GOLGA5: variants seen among roughly 807,000 people sequenced by gnomAD.
GOLGA5 encodes golgin A5, also known as golgin subfamily A member 5.
In GOLGA5, 50 loss-of-function variants were observed where a neutral mutation model predicts 93.5. The observed-to-expected ratio is 0.53, with a 90% CI of 0.43 to 0.68. The LOEUF is 0.68. Ranked by LOEUF, GOLGA5 falls within the 30% of genes least tolerant of loss-of-function variation. GOLGA5 has a pLI of 0.00. For missense variants in GOLGA5, 760 were observed against 856.4 expected (o/e 0.89, Z 1.40); for synonymous variants, 312 against 304.5 (o/e 1.02, Z -0.26).
intron 2 of GOLGA5, among the ~76,000 whole-genome samples, chr14:92,800,429 T>C (rs1042129800): frequency 6.6e-6 from 1 of 152,176 alleles, no homozygotes; most frequent in East Asian, 1.9e-4. Flanking sequence ...GTAGAAAACA[T>C]TGTAACAAAG....
intron 2 of GOLGA5, among the ~76,000 whole-genome samples, chr14:92,798,550 G>A (rs555647298): frequency 6.6e-6 from 1 of 152,336 alleles, no homozygotes; most frequent in East Asian, 1.9e-4. Flanking sequence ...ACCTCTACAA[G>A]TACACCTTCT....
chr14:92,835,097 T>C (rs889930254), intron 10 of GOLGA5, among the ~76,000 whole-genome samples: 27 of 152,152 alleles, frequency 1.8e-4, no homozygotes, highest in African/African-American at 6.3e-4. Context: ...ACAAGAACTC[T>C]GAATTGTAGT....
At position 92,797,500 on chromosome 14, in the gene GOLGA5, G is replaced by A. The variant is rs144267601; in HGVS notation, c.63G>A (p.Gly21=). 96 of 1,613,464 alleles carry A rather than the reference G, an allele frequency of 5.9e-5. No individual in the cohort carries two copies. The African/African-American group carries it at 9.7e-4, about 16-fold the overall frequency. ...AEDLLNRVDQ[G]AATALSRKDN... ...ATCTTTTAAACCGAGTTGATCAAGGGGCTGCAACAGCTCTCAGTAGGAAAG... is the reference window on the plus strand; with the variant it reads ...ATCTTTTAAACCGAGTTGATCAAGGAGCTGCAACAGCTCTCAGTAGGAAAG... Residue 21 remains glycine (G), a synonymous_variant, in exon 2 of 13, where the codon GGG becomes GGA. Transcript: ENST00000163416.
chr14:92,795,000 G>T (rs1884691941), intron 1 of GOLGA5, among the ~76,000 whole-genome samples: 1 of 152,254 alleles, frequency 6.6e-6, no homozygotes, highest in Non-Finnish European at 1.5e-5. Flanking sequence ...TTAGGTAATC[G>T]ACATTAATTG....
At chr14:92,810,912 T>G (rs1334695409) in intron 5 of GOLGA5, among the ~76,000 whole-genome samples, 1 of 152,238 alleles carries the variant, frequency 6.6e-6, no homozygotes, top group Non-Finnish European at 1.5e-5. Context: ...GACACTTTGG[T>G]TTTAGAAGGT....
Position 92,811,558 on chromosome 14 carries a change from T to C in GOLGA5, c.1124T>C (p.Phe375Ser). 6.2e-7 allele frequency: 1 copy of C among 1,607,942 alleles called. No homozygotes were observed. Among genetic ancestry groups the C allele is most frequent in the Non-Finnish European group, 8.5e-7 (1 of 1,174,446 alleles). Residue 375 changes from phenylalanine (F) to serine (S), a missense_variant, in exon 6 of 13, where the codon TTT becomes TCT. Transcript: ENST00000163416. Reference sequence around the variant, plus strand: ...TATAAAAATTTGTCACAGAGCGAGTTTGCTGCACGCCTTAATAAAGTGGAA... The same window carrying C: ...TATAAAAATTTGTCACAGAGCGAGTCTGCTGCACGCCTTAATAAAGTGGAA... ...QESYKQMQSE[F>S]AARLNKVEME...
At chr14:92,795,063 T>C (rs1046113963) in intron 1 of GOLGA5, among the ~76,000 whole-genome samples, 1 of 145,552 alleles carries the variant, frequency 6.9e-6, no homozygotes, top group African/African-American at 2.6e-5. Flanking sequence ...AATTTTGAAA[T>C]GGGAGGCAAG....
chr14:92,806,305 T>G (rs542402396), intron 2 of GOLGA5, among the ~76,000 whole-genome samples: 2 of 152,194 alleles, frequency 1.3e-5, no homozygotes, highest in African/African-American at 4.8e-5. Context: ...TATTGAAAAT[T>G]TGTTTATTTA....
At chr14:92,801,143 C>G (rs569521743) in intron 2 of GOLGA5, among the ~76,000 whole-genome samples, 1 of 152,298 alleles carries the variant, frequency 6.6e-6, no homozygotes, top group East Asian at 1.9e-4. Context: ...CAGTTGAGAA[C>G]CAATGTCCTG....
chr14:92,835,545 T>C lies in GOLGA5; in HGVS notation c.1946-14T>C. The C allele has an allele frequency of 6.5e-7, 1 of 1,538,740 alleles. No homozygotes were observed. The highest frequency in any genetic ancestry group is 1.1e-5 in the South Asian group (1 of 89,408). On this transcript the variant is annotated splice_polypyrimidine_tract_variant and intron_variant, in intron 10 of 12. Coordinates refer to ENST00000163416, the MANE Select transcript of GOLGA5 (RefSeq NM_005113.4). ...TTTATGTCAGTACACTAATTTATTT[T>C]CTTATTTAAACAGGCACTCGTCTGC...
rs567771909 is a variant in GOLGA5, at chr14:92,808,908, C to A, written c.773-392C>A. On this transcript the variant is annotated intron_variant, in intron 3 of 12. Transcript: ENST00000163416. The stretch of plus-strand genomic sequence containing the variant: ...CAACAGTAATTGAAAGCAATAGATT[C>A]TTTTCTGTGTTTAGGTTTTGTTTTG... 1.6e-3 allele frequency among the ~76,000 whole-genome samples: 240 copies of A among 152,248 alleles called. 1 individual carries two copies. Among genetic ancestry groups the A allele is most frequent in the African/African-American group, 5.5e-3 (228 of 41,560 alleles).
rs765421385 is a variant in GOLGA5 at position 92,833,301 on chromosome 14, T to C, written c.1899T>C (p.Ser633=). ...EQQMNSASGS[S]SNGSSINMSG... Reference sequence around the variant, plus strand: ...AGATGAACTCCGCCTCTGGAAGTAGTAGTAATGGGTCTTCGATTAATATGT... The same window carrying C: ...AGATGAACTCCGCCTCTGGAAGTAGCAGTAATGGGTCTTCGATTAATATGT... Residue 633 remains serine (S), a synonymous_variant, in exon 10 of 13, where the codon AGT becomes AGC. Coordinates refer to ENST00000163416, the MANE Select transcript of GOLGA5 (RefSeq NM_005113.4). 5 of 1,613,120 alleles carry C rather than the reference T, an allele frequency of 3.1e-6. No homozygotes were observed. Among genetic ancestry groups the C allele is most frequent in the Non-Finnish European group, 4.2e-6 (5 of 1,179,098 alleles).
intron 9 of GOLGA5, among the ~76,000 whole-genome samples, chr14:92,829,006 C>A (rs1185784219): frequency 2.0e-5 from 3 of 152,136 alleles, no homozygotes; most frequent in Non-Finnish European, 2.9e-5. Flanking sequence ...ACTCTGTCAC[C>A]CAGGCTGGAG....
At position 92,797,810 on chromosome 14, in the gene GOLGA5, G is replaced by T. The variant is rs1352836050; in HGVS notation, c.373G>T (p.Asp125Tyr). The change falls in exon 2 of 13, where the codon GAT becomes TAT. Residue 125 changes from aspartate (D) to tyrosine (Y), a missense_variant. Asp to Tyr is a radical substitution (Grantham distance 160). Transcript: ENST00000163416. Reference protein sequence around the residue: ...KSEPDDELLFDFLNSSQKEPT... With the variant: ...KSEPDDELLFYFLNSSQKEPT... ...AGAACCTGATGATGAGCTGCTGTTT[G>T]ATTTTCTTAATAGTTCACAGAAGGA... 6.2e-7 allele frequency: 1 copy of T among 1,613,998 alleles called. No individual in the cohort carries two copies. Among genetic ancestry groups the T allele is most frequent in the East Asian group, 2.2e-5 (1 of 44,884 alleles).
intron 2 of GOLGA5, among the ~76,000 whole-genome samples, chr14:92,804,043 G>A (rs1005299859): frequency 6.6e-6 from 1 of 151,920 alleles, no homozygotes; most frequent in Non-Finnish European, 1.5e-5. Context: ...TGCTTTCTTT[G>A]GGTTTGTTCT....
At position 92,797,668 on chromosome 14, in the gene GOLGA5, C is replaced by T; in HGVS notation, c.231C>T (p.Ile77=). ...ADNIRNQKAT[I]LAGTANVKVG... ...ACATTCGAAATCAAAAAGCCACCAT[C>T]TTAGCTGGCACTGCAAATGTGAAAG... The change falls in exon 2 of 13, where the codon ATC becomes ATT. Residue 77 remains isoleucine (I), a synonymous_variant. Coordinates refer to ENST00000163416, the MANE Select transcript of GOLGA5 (RefSeq NM_005113.4). 1 of 1,613,936 alleles carries T rather than the reference C, an allele frequency of 6.2e-7. No homozygotes were observed. The highest frequency in any genetic ancestry group is 1.3e-5 in the African/African-American group (1 of 75,058).
At position 92,797,859 on chromosome 14, in the gene GOLGA5, G is replaced by C; in HGVS notation, c.422G>C (p.Arg141Thr). ...QKEPTGRVEI[R>T]KEKGKTPVFQ... ...GAGCCTACCGGGAGGGTGGAAATCA[G>C]AAAGGAAAAAGGCAAGACACCTGTC... The change falls in exon 2 of 13, where the codon AGA (arginine) becomes ACA (threonine). Residue 141 changes from arginine (R) to threonine (T), a missense_variant. Physicochemically the swap from Arg to Thr is moderately conservative, Grantham distance 71 (BLOSUM62 -1). Transcript: ENST00000163416. 1.2e-6 allele frequency: 2 copies of C among 1,613,690 alleles called. No individual in the cohort carries two copies. The highest frequency in any genetic ancestry group is 8.5e-7 in the Non-Finnish European group (1 of 1,179,758).
At chr14:92,835,930 A>G (rs1465447724) in intron 11 of GOLGA5, among the ~76,000 whole-genome samples, 2 of 59,932 alleles carry the variant, frequency 3.3e-5, no homozygotes, top group Non-Finnish European at 6.6e-5. Flanking sequence ...AAGATGATTA[A>G]CCCTGACTGT....
chr14:92,816,983 T>C (rs1366262056), intron 7 of GOLGA5, among the ~76,000 whole-genome samples: 1 of 152,012 alleles, frequency 6.6e-6, no homozygotes, highest in African/African-American at 2.4e-5. Flanking sequence ...TTGCCCAGGC[T>C]GGAGTGCAGT....
Sources: gnomAD v4.1 joint callset for allele counts (sites outside exome capture counted in the v4.1 genomes callset) on GRCh38, gnomAD v4.1.1 for gene constraint, MANE v1.5 for transcripts, NCBI Gene and HGNC (gene_info 2026-07-23, HGNC 2026-07-21) for gene names.